The following DOP1A variants were observed in gnomAD, a reference collection of about 807,000 sequenced individuals.
DOP1A encodes DOP1 leucine zipper like protein A.
DOP1A carries 90 observed loss-of-function variants against 267.6 expected under a neutral mutation model. That is an observed-to-expected ratio of 0.34 (90% CI 0.28 to 0.40). The LOEUF is 0.40. Among genes scored for constraint, DOP1A ranks in the 10% least tolerant of loss-of-function variants. The pLI is 1.00. For synonymous variants in DOP1A, 932 were observed against 999.1 expected (o/e 0.93, Z 1.27); for missense variants, 2,437 against 2,900.4 (o/e 0.84, Z 3.67).
At chr6:83,134,343 T>C in intron 19 of DOP1A, 56 bp downstream of exon 19, 1 of 1,441,060 alleles carries the variant, frequency 6.9e-7, no homozygotes, top group Non-Finnish European at 9.5e-7. Flanking sequence ...GTTGCCTCTT[T>C]CCTTGAGTCC....
downstream of DOP1A, chr6:83,169,742 T>TA (rs1221195378): frequency 2.2e-6 from 1 of 458,330 alleles, no homozygotes; most frequent in Non-Finnish European, 4.4e-6. Context: ...CCTGATTCCC[T>TA]ATTCAGCGCA....
chr6:83,162,819 C>T lies in DOP1A; in HGVS notation c.6992C>T (p.Ser2331Leu). ...CGATGGGCCTTTATTCCAGAAGCCT[C>T]AGATGATTCAGGTTTGGAAGTCAGA... ...MYRWAFIPEA[S>L]DDSGLEVRRQ... is the part of the protein sequence containing the mutation. Residue 2331 changes from serine (S) to leucine (L), a missense_variant, in exon 38 of 39, where the codon TCA becomes TTA. This residue lies in a region of DOP1A where 197 missense variants were observed against 246.5 expected (regional missense o/e 0.80). Coordinates refer to ENST00000349129, the MANE Select transcript of DOP1A (RefSeq NM_015018.4). 1 of 1,613,324 alleles carries T rather than the reference C, an allele frequency of 6.2e-7. No homozygotes were observed. The highest frequency in any genetic ancestry group is 8.5e-7 in the Non-Finnish European group (1 of 1,179,494).
At chr6:83,084,010 G>T (rs6931819) in intron 1 of DOP1A, among the ~76,000 whole-genome samples, 5,809 of 152,276 alleles carry the variant, frequency 0.038, 183 homozygotes, top group African/African-American at 0.073. Flanking sequence ...GGTAAAAAAA[G>T]AAATCGTAAA....
In DOP1A at chr6:83,097,002, T is replaced by C. The variant is rs184047341; in HGVS notation, c.25T>C (p.Leu9=). 38 of 1,614,138 alleles carry C rather than the reference T, an allele frequency of 2.4e-5. No individual in the cohort carries two copies. Among genetic ancestry groups the C allele is most frequent in the South Asian group, 4.4e-5 (4 of 91,084 alleles). Residue 9 remains leucine, a synonymous_variant, in exon 3 of 39, where the codon TTG becomes CTG. Transcript: ENST00000349129. MNTEELEL[L]SDSKYRNYVA... ...GATGAACACAGAAGAGCTGGAGTTA[T>C]TGAGTGACTCCAAATACAGAAACTA... is the stretch of plus-strand genomic sequence containing the variant.
intron 12 of DOP1A, among the ~76,000 whole-genome samples, chr6:83,124,367 C>T (rs964403880): frequency 2.0e-5 from 3 of 151,950 alleles, no homozygotes; most frequent in African/African-American, 7.3e-5. Flanking sequence ...TATTTTAAGA[C>T]CCAAGGTTAG....
In DOP1A at chr6:83,119,865, ATACT is replaced by A. The variant is rs758621574; in HGVS notation, c.990+10_990+13del. ...AAAGAATTATTAGTCCAGGTAATGA[ATACT>A]TTTATTATTCTTTGGTTACTTACTG... On this transcript the variant is annotated intron_variant, in intron 9 of 38. Transcript: ENST00000349129. The A allele has an allele frequency of 3.2e-4, 508 of 1,600,748 alleles. 1 individual carries two copies. Among genetic ancestry groups the A allele is most frequent in the Non-Finnish European group, 4.2e-4 (493 of 1,168,818 alleles).
chr6:83,151,571 G>C (rs754052803), intron 27 of DOP1A, 22 bp from the exon 28 acceptor site: 1 of 1,576,640 alleles, frequency 6.3e-7, no homozygotes, highest in Non-Finnish European at 8.6e-7. Flanking sequence ...TCCCGTTTCT[G>C]TTTTCTCTTT....
At position 83,119,811 on chromosome 6, in the gene DOP1A, A is replaced by G. The variant is rs1455197873; in HGVS notation, c.944A>G (p.His315Arg). The G allele has an allele frequency of 6.2e-7, 1 of 1,613,098 alleles. No individual in the cohort carries two copies. The highest frequency in any genetic ancestry group is 8.5e-7 in the Non-Finnish European group (1 of 1,179,250). ...RSTRHSNPEE[H>R]ATYYFTTFSK... ...ACAAGACACAGTAATCCTGAAGAAC[A>G]TGCCACTTACTATTTCACTACCTTT... The change falls in exon 9 of 39, where the codon CAT (histidine) becomes CGT (arginine). Residue 315 changes from histidine to arginine, a missense_variant. By Grantham distance (29) the His-to-Arg change is conservative. Coordinates refer to ENST00000349129, the MANE Select transcript of DOP1A (RefSeq NM_015018.4).
rs141550321 is a variant in DOP1A at position 83,086,318 on chromosome 6, A to G, written c.-146-10413A>G. On this transcript the variant is annotated intron_variant, in intron 1 of 38. Transcript: ENST00000349129. ...GAAAAGAAAATAGTAAGAAAACCATAAGAGAAAATATATGTACTGTTCATT... is the reference window on the plus strand; with the variant it reads ...GAAAAGAAAATAGTAAGAAAACCATGAGAGAAAATATATGTACTGTTCATT... Among the ~76,000 whole-genome samples the G allele has an allele frequency of 9.5e-4, 144 of 152,356 alleles. 1 individual carries two copies. Among genetic ancestry groups the G allele is most frequent in the African/African-American group, 3.3e-3 (136 of 41,600 alleles).
chr6:83,166,620 G>A, intron 38 of DOP1A: 1 of 766,774 alleles, frequency 1.3e-6, no homozygotes, highest in East Asian at 3.0e-5. Context: ...ATTTAAGAAT[G>A]TACTCCAATA....
At chr6:83,167,054 T>G in intron 38 of DOP1A, 1 of 985,424 alleles carries the variant, frequency 1.0e-6, no homozygotes, top group South Asian at 4.7e-5. Flanking sequence ...TTCAGGTGGC[T>G]TCTCAAACTA....
chr6:83,077,920 C>A (rs3927668), intron 1 of DOP1A, among the ~76,000 whole-genome samples: 1 of 152,160 alleles, frequency 6.6e-6, no homozygotes, highest in Admixed American at 6.5e-5. Context: ...TTACGAATTT[C>A]TTGGGCCACA....
At chr6:83,131,582 T>C (rs1778032630) in intron 17 of DOP1A, among the ~76,000 whole-genome samples, 1 of 152,158 alleles carries the variant, frequency 6.6e-6, no homozygotes, top group Admixed American at 6.5e-5. Flanking sequence ...TAGTTTATTC[T>C]AGCATCACTT....
At chr6:83,141,075 C>G (rs1207536870) in intron 23 of DOP1A, among the ~76,000 whole-genome samples, 1 of 151,984 alleles carries the variant, frequency 6.6e-6, no homozygotes, top group Non-Finnish European at 1.5e-5. Flanking sequence ...GCAGAAAAAA[C>G]AGAGATCCTA....
At chr6:83,098,299 A>G (rs951507486) in intron 3 of DOP1A, among the ~76,000 whole-genome samples, 7 of 152,230 alleles carry the variant, frequency 4.6e-5, no homozygotes, top group African/African-American at 9.6e-5. Context: ...ACGACAATCA[A>G]TGCAGAAGAT....
chr6:83,145,004 GAAGC>G (rs1025794433), intron 24 of DOP1A, among the ~76,000 whole-genome samples: 2 of 145,880 alleles, frequency 1.4e-5, no homozygotes, highest in Admixed American at 1.5e-4. Context: ...TCAGGAGGCT[GAAGC>G]AAGAGGATCG....
intron 6 of DOP1A, 112 bp downstream of exon 6, chr6:83,110,426 C>A: frequency 9.1e-7 from 1 of 1,097,514 alleles, no homozygotes; most frequent in Non-Finnish European, 1.2e-6. Context: ...TTTCATCGAG[C>A]TTACATTTAT....
At chr6:83,134,833 A>G (rs530309678) in intron 19 of DOP1A, among the ~76,000 whole-genome samples, 1 of 152,076 alleles carries the variant, frequency 6.6e-6, no homozygotes. Flanking sequence ...GTGGATTCAT[A>G]TATTGTCATA....
At chr6:83,168,988 A>G (rs566486855), downstream of DOP1A, 2 of 1,278,064 alleles carry the variant, frequency 1.6e-6, no homozygotes, top group South Asian at 2.1e-5. Flanking sequence ...ACTGAATTGT[A>G]TACTTAAGTC....
Sources: allele counts gnomAD v4.1 joint callset (sites outside exome capture counted in the v4.1 genomes callset), GRCh38; gene constraint gnomAD v4.1.1; regional missense constraint gnomAD v4.1.1; transcripts MANE v1.5; gene names NCBI Gene and HGNC (gene_info 2026-07-23, HGNC 2026-07-21).